The following USP4 variants were observed in gnomAD, a reference collection of about 807,000 sequenced individuals.
USP4 encodes ubiquitin carboxyl-terminal hydrolase 4.
Under a neutral mutation model 118.2 loss-of-function variants are expected in USP4, and 72 were observed. That is an observed-to-expected ratio of 0.61 (90% confidence interval 0.50 to 0.74). The LOEUF is 0.74. USP4 is among the 30% of genes least tolerant of loss of function. USP4 has a pLI of 0.00. For synonymous variants in USP4, 415 were observed against 440.4 expected, an observed-to-expected ratio of 0.94 and a Z score of 0.72; for missense variants, 1,037 against 1,185.7, an observed-to-expected ratio of 0.87 and a Z score of 1.84.
intron 6 of USP4, among the ~76,000 whole-genome samples, chr3:49,323,346 A>G (rs2047521262): frequency 6.6e-6 from 1 of 151,292 alleles, no homozygotes; most frequent in Admixed American, 6.6e-5. Flanking sequence ...TGGCAGAATC[A>G]TAGCTCACTG....
At position 49,298,867 on chromosome 3, in the gene USP4, A is replaced by T. The variant is rs555814271; in HGVS notation, c.1513-232T>A. Among the ~76,000 whole-genome samples, 319 of 152,312 alleles carry T rather than the reference A, an allele frequency of 2.1e-3. 14 individuals carry two copies. In the South Asian group the frequency reaches 0.064, roughly 30 times the overall value. ...TAGGCCATCTCTTTCTCTTCCAAAC[A>T]TTGCTTCATTTTATTCTTAATTCTT... is the stretch of plus-strand genomic sequence containing the variant. On this transcript the variant is annotated intron_variant, in intron 11 of 21. Transcript: ENST00000265560.
In USP4 at chr3:49,298,562, G is replaced by A; in HGVS notation, c.1586C>T (p.Ala529Val). 6.2e-7 allele frequency: 1 copy of A among 1,614,136 alleles called. No homozygotes were observed. The highest frequency in any genetic ancestry group is 8.5e-7 in the Non-Finnish European group (1 of 1,179,994). Residue 529 changes from alanine to valine, a missense_variant, in exon 12 of 22, where the codon GCT becomes GTT. Physicochemically the swap from Ala to Val is moderately conservative, Grantham distance 64 (BLOSUM62 0). This residue lies in a region of USP4 where 522 missense variants were observed against 592.6 expected (regional missense o/e 0.88). Transcript: ENST00000265560. ...CEALSRLSGI[A>V]AENMVVADVY... ...ATCACCCCGCCTTACATTTTCTGCA[G>A]CAATGCCAGACAGCCTGGAGAGAGC...
In USP4 at chr3:49,294,473, A is replaced by G; in HGVS notation, c.1817T>C (p.Leu606Ser). Residue 606 changes from leucine to serine, a missense_variant, in exon 14 of 22, where the codon TTG becomes TCG. Around this residue, in one of 3 missense-constraint regions of USP4, gnomAD observed 522 missense variants for 592.6 expected, o/e 0.88. Transcript: ENST00000265560. ...TAACTTGTGCTTGGGGACAGAAAGC[A>G]ATAGTGGCTGCCCATATAGCGCTGA... ...SASALYGQPL[L>S]LSVPKHKLTL... 1 of 1,614,242 alleles carries G rather than the reference A, an allele frequency of 6.2e-7. No individual in the cohort carries two copies. Among genetic ancestry groups the G allele is most frequent in the Non-Finnish European group, 8.5e-7 (1 of 1,180,040 alleles).
chr3:49,292,430 T>G, intron 15 of USP4, 80 bp downstream of exon 15: 1 of 919,322 alleles, frequency 1.1e-6, no homozygotes, highest in Non-Finnish European at 1.6e-6. Context: ...CCTTCTCCCA[T>G]GTGTGTAACA....
chr3:49,300,580 C>A lies in USP4; in HGVS notation c.1399G>T (p.Val467Phe). Reference sequence around the variant, plus strand: ...CAAAATGGGTCAAAGGTCACAGAAACCTTAGCACATTCTGGGCAAACCAAA... The same window carrying A: ...CAAAATGGGTCAAAGGTCACAGAAAACTTAGCACATTCTGGGCAAACCAAA... The part of the protein sequence containing the change: ...STLVCPECAK[V>F]SVTFDPFCYL... The change falls in exon 11 of 22, where the codon GTT (valine) becomes TTT (phenylalanine). Residue 467 changes from valine to phenylalanine, a missense_variant. Physicochemically the swap from Val to Phe is conservative, Grantham distance 50 (BLOSUM62 -1). This residue lies in a region of USP4 where 28 missense variants were observed against 59.0 expected (regional missense o/e 0.47). Transcript: ENST00000265560. The A allele has an allele frequency of 6.2e-7, 1 of 1,614,210 alleles. No individual in the cohort carries two copies. The highest frequency in any genetic ancestry group is 1.1e-5 in the South Asian group (1 of 91,088).
intron 6 of USP4, among the ~76,000 whole-genome samples, chr3:49,317,687 G>A (rs1231663475): frequency 1.3e-5 from 2 of 149,892 alleles, no homozygotes; most frequent in Non-Finnish European, 3.0e-5. Context: ...GACTACAGGC[G>A]CCTGCCACCA....
chr3:49,313,602 A>G (rs2047408379), intron 6 of USP4, among the ~76,000 whole-genome samples: 1 of 152,210 alleles, frequency 6.6e-6, no homozygotes, highest in Non-Finnish European at 1.5e-5. Flanking sequence ...ATAGCTGGAT[A>G]TAAGGACATG....
intron 2 of USP4, among the ~76,000 whole-genome samples, chr3:49,334,165 C>T (rs1286030241): frequency 1.3e-5 from 2 of 152,210 alleles, no homozygotes; most frequent in Non-Finnish European, 2.9e-5. Context: ...GACAGATTGT[C>T]AAGGCAGCGT....
chr3:49,297,140 T>A (rs1029561754), intron 13 of USP4, among the ~76,000 whole-genome samples: 1 of 152,154 alleles, frequency 6.6e-6, no homozygotes, highest in Non-Finnish European at 1.5e-5. Context: ...AGAGGCAAGT[T>A]CCTGAGTGAG....
At position 49,277,405 on chromosome 3, in the gene USP4, G is replaced by A. The variant is rs1575596995; in HGVS notation, c.*888C>T. On this transcript the variant is annotated 3_prime_UTR_variant, in exon 22 of 22. Coordinates refer to ENST00000265560, the MANE Select transcript of USP4 (RefSeq NM_003363.4). ...CCGGGAAGAGTCTTGGCAGGGATGA[G>A]GAAAGAACCCGTTCTAGAAAGCATC... 1.1e-5 allele frequency: 4 copies of A among 354,316 alleles called. No individual in the cohort carries two copies. The East Asian group carries it at 2.7e-4, about 24-fold the overall frequency. 21.9% of individuals were successfully genotyped at this position (354,316 alleles called of 1,614,324 possible). A position where few individuals can be genotyped will look rare whatever the true frequency, so the allele number is the denominator to read the frequency against.
At chr3:49,305,916 C>T in intron 8 of USP4, 28 bp from the exon 9 acceptor site, 1 of 1,605,308 alleles carries the variant, frequency 6.2e-7, no homozygotes, top group South Asian at 1.1e-5. Flanking sequence ...GAGGGCTTTA[C>T]ACACCTTCTA....
At chr3:49,324,392 G>A (rs577703398) in intron 6 of USP4, among the ~76,000 whole-genome samples, 5 of 152,272 alleles carry the variant, frequency 3.3e-5, no homozygotes, top group South Asian at 4.1e-4. Flanking sequence ...AAATAAAAGC[G>A]TGACAAAAAC....
chr3:49,301,587 C>G (rs1002229049), intron 10 of USP4, among the ~76,000 whole-genome samples: 8 of 152,022 alleles, frequency 5.3e-5, no homozygotes, highest in Non-Finnish European at 1.2e-4. Context: ...ACTTGAGAGG[C>G]TGAGACAGGA....
chr3:49,325,604 G>T (rs2047545674), intron 4 of USP4, 115 bp downstream of exon 4: 5 of 1,471,734 alleles, frequency 3.4e-6, no homozygotes, highest in Non-Finnish European at 4.6e-6. Context: ...AGCTCGAGAT[G>T]ATTTGGGTAA....
At chr3:49,280,559 CAA>C (rs371988656) in intron 20 of USP4, among the ~76,000 whole-genome samples, 183 bp downstream of exon 20, 4,841 of 52,298 alleles carry the variant, frequency 0.093, 75 homozygotes, top group Non-Finnish European at 0.15. Flanking sequence ...GACTCCGTCT[CAA>C]AAAAAAAAAA....
intron 10 of USP4, 82 bp from the exon 11 acceptor site, chr3:49,300,773 G>T: frequency 7.6e-7 from 1 of 1,320,288 alleles, no homozygotes; most frequent in Non-Finnish European, 1.1e-6. Context: ...CAGCAAACCT[G>T]GAGATGAATC....
At chr3:49,281,489 T>C (rs1186216530) in intron 19 of USP4, among the ~76,000 whole-genome samples, 4,028 of 108,926 alleles carry the variant, frequency 0.037, 121 homozygotes, top group African/African-American at 0.09. Flanking sequence ...TATATATATA[T>C]ATACACACAC....
chr3:49,318,008 G>T (rs1032241303), intron 6 of USP4, among the ~76,000 whole-genome samples: 1 of 151,338 alleles, frequency 6.6e-6, no homozygotes, highest in Non-Finnish European at 1.5e-5. Flanking sequence ...GCTAATTTTT[G>T]CATTTTTAGT....
chr3:49,326,336 T>C (rs1559479446), intron 3 of USP4, among the ~76,000 whole-genome samples: 1 of 151,520 alleles, frequency 6.6e-6, no homozygotes, highest in Non-Finnish European at 1.5e-5. Context: ...AATATATATA[T>C]ATTTTTTTTC....
Sources: allele counts gnomAD v4.1 joint callset (sites outside exome capture counted in the v4.1 genomes callset), GRCh38; gene constraint gnomAD v4.1.1; regional missense constraint gnomAD v4.1.1; transcripts MANE v1.5; gene names NCBI Gene and HGNC (gene_info 2026-07-23, HGNC 2026-07-21).